CYB5R4: variants seen among roughly 807,000 people sequenced by gnomAD.
The protein encoded by CYB5R4 is N-terminal cytochrome b5 and cytochrome b5 oxidoreductase domain-containing protein.
A neutral mutation model predicts 70.2 loss-of-function variants in CYB5R4; 55 were observed. That is an observed-to-expected ratio of 0.78 (90% CI 0.63 to 0.98). The LOEUF (loss-of-function observed/expected upper bound fraction) is 0.98. CYB5R4 is among the 50% of genes least tolerant of loss of function. The probability of loss-of-function intolerance (pLI) is 0.00; values close to 1 mark genes in which losing one functional copy is unlikely to be tolerated. For synonymous variants in CYB5R4, 197 were observed against 199.5 expected (o/e 0.99, Z 0.11); for missense variants, 562 against 612.6 (o/e 0.92, Z 0.87).
intron 12 of CYB5R4, 30 bp downstream of exon 12, chr6:83,936,406 T>C (rs1406139029): frequency 1.3e-6 from 2 of 1,598,310 alleles, no homozygotes; most frequent in Non-Finnish European, 1.7e-6. Flanking sequence ...TTAAACCTCA[T>C]TTGTGCTCTA....
At chr6:83,944,984 T>A (rs2099470341) in intron 14 of CYB5R4, among the ~76,000 whole-genome samples, 1 of 152,074 alleles carries the variant, frequency 6.6e-6, no homozygotes, top group Non-Finnish European at 1.5e-5. Context: ...TGGGAGACTT[T>A]AACACCCTAC....
At chr6:83,923,109 T>TG (rs912341573) in intron 9 of CYB5R4, among the ~76,000 whole-genome samples, 1 of 152,024 alleles carries the variant, frequency 6.6e-6, no homozygotes, top group Non-Finnish European at 1.5e-5. Flanking sequence ...ACTCCTGACA[T>TG]GCAGCTTATA....
rs907990614 is a variant in CYB5R4, at chr6:83,965,965, C to T, written c.*6087C>T. 2.6e-5 allele frequency: 4 copies of T among 152,298 alleles called. No homozygotes were observed. Among genetic ancestry groups the T allele is most frequent in the Non-Finnish European group, 5.9e-5 (4 of 68,180 alleles). The allele number at this position is 152,298 out of a possible 1,614,324, so 9.4% of individuals were successfully genotyped here. On this transcript the variant is annotated 3_prime_UTR_variant, in exon 16 of 16. Coordinates refer to ENST00000369681, the MANE Select transcript of CYB5R4 (RefSeq NM_016230.4). Reference sequence around the variant, plus strand: ...TAACCTACCGCCATGATTCTGAGGCCTCCCCAGCCATGTGGAACTATAAGT... The same window carrying T: ...TAACCTACCGCCATGATTCTGAGGCTTCCCCAGCCATGTGGAACTATAAGT...
At chr6:83,868,332 A>G (rs1162371831) in intron 2 of CYB5R4, among the ~76,000 whole-genome samples, 1 of 152,156 alleles carries the variant, frequency 6.6e-6, no homozygotes, top group Non-Finnish European at 1.5e-5. Flanking sequence ...TTTATGACTA[A>G]TATTTTGGGG....
Position 83,965,758 on chromosome 6 carries a change from C to T in CYB5R4, c.*5880C>T, listed in dbSNP as rs1397056856. The T allele has an allele frequency of 6.6e-6, 1 of 152,104 alleles. No homozygotes were observed. The highest frequency in any genetic ancestry group is 1.5e-5 in the Non-Finnish European group (1 of 68,030). 9.4% of individuals were successfully genotyped at this position (152,104 alleles called of 1,614,324 possible). The stretch of plus-strand genomic sequence containing the variant: ...CCCAAATTTCATCTTGAATTATACT[C>T]CCATAATTCCCATGTGTTATACGTG... On this transcript the variant is annotated 3_prime_UTR_variant, in exon 16 of 16. Transcript: ENST00000369681.
At chr6:83,956,003 T>C (rs948117394) in intron 15 of CYB5R4, among the ~76,000 whole-genome samples, 2 of 152,210 alleles carry the variant, frequency 1.3e-5, no homozygotes, top group African/African-American at 4.8e-5. Flanking sequence ...TTCATCTTGA[T>C]GTGATTTAGC....
chr6:83,953,185 A>G (rs901798369), intron 14 of CYB5R4, among the ~76,000 whole-genome samples: 1 of 152,168 alleles, frequency 6.6e-6, no homozygotes, highest in South Asian at 2.1e-4. Context: ...TGAACTTAGC[A>G]TATATAAGGC....
In CYB5R4 at chr6:83,962,158, C is replaced by T. The variant is rs1366820694; in HGVS notation, c.*2280C>T. On this transcript the variant is annotated 3_prime_UTR_variant, in exon 16 of 16. Coordinates refer to ENST00000369681, the MANE Select transcript of CYB5R4 (RefSeq NM_016230.4). ...TATTAGGAATCAACATCAATGTCCC[C>T]TTCTCCAGTCTGACTCTTCCATACC... is the stretch of plus-strand genomic sequence containing the variant. 1 of 152,216 alleles carries T rather than the reference C, an allele frequency of 6.6e-6. No homozygotes were observed. The highest frequency in any genetic ancestry group is 1.5e-5 in the Non-Finnish European group (1 of 68,056). The allele number at this position is 152,216 out of a possible 1,614,324, so 9.4% of individuals were successfully genotyped here.
intron 2 of CYB5R4, among the ~76,000 whole-genome samples, chr6:83,885,687 G>T (rs941297938): frequency 6.6e-6 from 1 of 152,086 alleles, no homozygotes; most frequent in Non-Finnish European, 1.5e-5. Flanking sequence ...TCTGAATTCG[G>T]TCTTCTGAGC....
At chr6:83,923,128 CTA>C (rs972591226) in intron 9 of CYB5R4, among the ~76,000 whole-genome samples, 6 of 150,616 alleles carry the variant, frequency 4.0e-5, no homozygotes, top group Non-Finnish European at 4.4e-5. Flanking sequence ...TAGAAATATA[CTA>C]TGTTAGACAA....
chr6:83,952,851 CTA>C (rs1370767732), intron 14 of CYB5R4, among the ~76,000 whole-genome samples: 1 of 152,068 alleles, frequency 6.6e-6, no homozygotes, highest in Non-Finnish European at 1.5e-5. Flanking sequence ...GCTCTGTGGA[CTA>C]TATGTTTTTG....
chr6:83,936,372 G>T lies in CYB5R4; in HGVS notation c.1104G>T (p.Gln368His), dbSNP rs565369665. ...GLFTPELDRL[Q>H]IGDFVSVSSP... is the part of the protein sequence containing the mutation. Reference sequence around the variant, plus strand: ...TCACACCAGAGCTTGATCGTCTTCAGATTGGTTAGTATTTTTACATTTTTT... The same window carrying T: ...TCACACCAGAGCTTGATCGTCTTCATATTGGTTAGTATTTTTACATTTTTT... The change falls in exon 12 of 16, where the codon CAG (glutamine) becomes CAT (histidine). Residue 368 changes from glutamine (Q) to histidine (H), a missense_variant. Physicochemically the swap from Gln to His is conservative, Grantham distance 24. Coordinates refer to ENST00000369681, the MANE Select transcript of CYB5R4 (RefSeq NM_016230.4). 6.2e-7 allele frequency: 1 copy of T among 1,611,208 alleles called. No individual in the cohort carries two copies. The highest frequency in any genetic ancestry group is 1.3e-5 in the African/African-American group (1 of 74,756).
chr6:83,927,074 TC>T (rs2099467405), intron 10 of CYB5R4, among the ~76,000 whole-genome samples: 1 of 152,188 alleles, frequency 6.6e-6, no homozygotes, highest in African/African-American at 2.4e-5. Context: ...TTTCCGTTCT[TC>T]CTGTCTGTGT....
chr6:83,925,597 G>A (rs944851504), intron 10 of CYB5R4, among the ~76,000 whole-genome samples: 4 of 152,188 alleles, frequency 2.6e-5, no homozygotes, highest in African/African-American at 4.8e-5. Flanking sequence ...GGTAGTATTT[G>A]CTCCTTGTTC....
chr6:83,919,760 C>CTGTGTGTG lies in CYB5R4; in HGVS notation c.564+340_564+347dup, dbSNP rs58002492. Among the ~76,000 whole-genome samples the CTGTGTGTG allele has an allele frequency of 6.9e-3, 977 of 142,072 alleles. 12 individuals are homozygous for CTGTGTGTG. Among genetic ancestry groups the CTGTGTGTG allele is most frequent in the African/African-American group, 0.023 (886 of 38,846 alleles). The allele number at this position is 142,072 out of a possible 152,430, so 93.2% of individuals were successfully genotyped here. On this transcript the variant is annotated intron_variant, in intron 7 of 15. Coordinates refer to ENST00000369681, the MANE Select transcript of CYB5R4 (RefSeq NM_016230.4). ...AGTAGGAAGTATTTTATGTGTTTTT[C>CTGTGTGTG]TGTGTGTGTGTGTGTGTGTGTGTGT...
intron 2 of CYB5R4, among the ~76,000 whole-genome samples, chr6:83,882,875 G>A (rs537769861): frequency 8.6e-4 from 131 of 152,226 alleles, no homozygotes; most frequent in Middle Eastern, 6.8e-3. Context: ...TCGGGAGGCT[G>A]AGGTAGGAGA....
intron 8 of CYB5R4, among the ~76,000 whole-genome samples, chr6:83,921,715 T>C (rs1401050080): frequency 6.6e-6 from 1 of 152,214 alleles, no homozygotes; most frequent in Admixed American, 6.5e-5. Flanking sequence ...CATACATATT[T>C]TAAAAAACTA....
intron 4 of CYB5R4, among the ~76,000 whole-genome samples, chr6:83,913,956 A>C (rs2129138638): frequency 6.6e-6 from 1 of 152,274 alleles, no homozygotes; most frequent in African/African-American, 2.4e-5. Context: ...TTAAACTTGT[A>C]ATAACGATCA....
chr6:83,914,682 T>A (rs987415000), intron 5 of CYB5R4, among the ~76,000 whole-genome samples: 1 of 151,902 alleles, frequency 6.6e-6, no homozygotes, highest in African/African-American at 2.4e-5. Context: ...GTATTACAGG[T>A]GCACACCACA....
Sources: gnomAD v4.1 joint callset for allele counts (sites outside exome capture counted in the v4.1 genomes callset) on GRCh38, gnomAD v4.1.1 for gene constraint, MANE v1.5 for transcripts, NCBI Gene and HGNC (gene_info 2026-07-23, HGNC 2026-07-21) for gene names.